The following CTNNA2 variants were observed in gnomAD, a reference collection of about 807,000 sequenced individuals.
The protein encoded by CTNNA2 is catenin alpha 2.
A neutral mutation model predicts 101.0 loss-of-function variants in CTNNA2; 42 were observed. That is an observed-to-expected ratio of 0.42 (90% confidence interval 0.32 to 0.54). The LOEUF (loss-of-function observed/expected upper bound fraction) is 0.54, where lower values mean the gene tolerates loss of function less well. Among genes scored for constraint, CTNNA2 ranks in the 20% least tolerant of loss-of-function variants. The pLI, the probability that CTNNA2 is intolerant of heterozygous loss-of-function variation, is 0.14. For synonymous variants in CTNNA2, 450 were observed against 456.4 expected, an observed-to-expected ratio of 0.99 and a Z score of 0.18; for missense variants, 871 against 1,223.1, an observed-to-expected ratio of 0.71 and a Z score of 4.29.
chr2:79,544,416 A>G (rs577320676), intron 1 of CTNNA2, among the ~76,000 whole-genome samples: 4 of 152,284 alleles, frequency 2.6e-5, no homozygotes, highest in African/African-American at 9.6e-5. Context: ...AAGTGAAGCA[A>G]TTGAAACAAA....
chr2:80,639,850 T>G (rs1479462449), intron 18 of CTNNA2, among the ~76,000 whole-genome samples: 1 of 151,954 alleles, frequency 6.6e-6, no homozygotes, highest in African/African-American at 2.4e-5. Context: ...CGCCTGTAAT[T>G]CCAGCACTTT....
At chr2:80,361,852 G>A (rs1403675838) in intron 7 of CTNNA2, among the ~76,000 whole-genome samples, 10 of 152,132 alleles carry the variant, frequency 6.6e-5, no homozygotes, top group Admixed American at 6.6e-4. Context: ...AGAATATGAT[G>A]TGCATCATAG....
chr2:80,093,476 T>A (rs1322869578), intron 7 of CTNNA2, among the ~76,000 whole-genome samples: 2 of 152,214 alleles, frequency 1.3e-5, no homozygotes, highest in Non-Finnish European at 2.9e-5. Context: ...CGTGTGTATG[T>A]GTCTTTATAG....
chr2:80,636,785 G>A (rs1348641901), intron 18 of CTNNA2, among the ~76,000 whole-genome samples: 1 of 152,068 alleles, frequency 6.6e-6, no homozygotes, highest in Non-Finnish European at 1.5e-5. Flanking sequence ...TTCTAGTAGA[G>A]CCACCTTGAC....
chr2:79,242,987 TATATATACACACACAC>T (rs1249391583), intron 2 of CTNNA2, among the ~76,000 whole-genome samples: 1 of 54,396 alleles, frequency 1.8e-5, no homozygotes, highest in Non-Finnish European at 4.7e-5. Flanking sequence ...TATATATATA[TATATATACACACACAC>T]ACACACACAC....
intron 4 of CTNNA2, among the ~76,000 whole-genome samples, chr2:79,494,979 T>A (rs1352449317): frequency 6.6e-6 from 1 of 152,002 alleles, no homozygotes; most frequent in Non-Finnish European, 1.5e-5. Context: ...TGCAGGCGCC[T>A]GTAGTCCCAG....
chr2:79,848,894 T>C (rs913132699), intron 3 of CTNNA2, among the ~76,000 whole-genome samples: 1 of 152,068 alleles, frequency 6.6e-6, no homozygotes, highest in African/African-American at 2.4e-5. Context: ...TGGTGTCACA[T>C]TGGGATTTAT....
At chr2:79,384,221 A>G (rs1678071740) in intron 4 of CTNNA2, among the ~76,000 whole-genome samples, 1 of 152,158 alleles carries the variant, frequency 6.6e-6, no homozygotes, top group African/African-American at 2.4e-5. Context: ...GCCTTTCATC[A>G]TTTCCAGCTT....
At chr2:79,669,448 C>G (rs1253521456) in intron 2 of CTNNA2, among the ~76,000 whole-genome samples, 1 of 152,140 alleles carries the variant, frequency 6.6e-6, no homozygotes, top group Non-Finnish European at 1.5e-5. Context: ...TGCCCGAGTT[C>G]TTGTCCTGCA....
intron 7 of CTNNA2, among the ~76,000 whole-genome samples, chr2:80,219,894 T>C (rs1287723927): frequency 6.6e-6 from 1 of 152,210 alleles, no homozygotes; most frequent in Non-Finnish European, 1.5e-5. Context: ...TTAATTACTC[T>C]GCATTTTATA....
At chr2:79,752,061 G>T (rs1456437653) in intron 3 of CTNNA2, among the ~76,000 whole-genome samples, 1 of 152,114 alleles carries the variant, frequency 6.6e-6, no homozygotes, top group African/African-American at 2.4e-5. Context: ...CAGGGGCAGG[G>T]GAGAGTGTAC....
intron 7 of CTNNA2, among the ~76,000 whole-genome samples, chr2:80,391,455 A>C (rs533942534): frequency 2.0e-5 from 3 of 152,328 alleles, no homozygotes; most frequent in South Asian, 2.1e-4. Flanking sequence ...GTTGCAGCCA[A>C]GTTTTCAACT....
intron 3 of CTNNA2, among the ~76,000 whole-genome samples, chr2:79,317,111 A>G (rs1291868947): frequency 6.6e-6 from 1 of 151,930 alleles, no homozygotes; most frequent in Non-Finnish European, 1.5e-5. Flanking sequence ...TGGTGGTTTT[A>G]TCAATAATGG....
At chr2:80,338,270 T>G (rs1030333597) in intron 7 of CTNNA2, among the ~76,000 whole-genome samples, 1 of 151,690 alleles carries the variant, frequency 6.6e-6, no homozygotes, top group Non-Finnish European at 1.5e-5. Context: ...ATTACTGGCA[T>G]GAGCCTCTGC....
chr2:80,345,158 T>C (rs962345628), intron 7 of CTNNA2, among the ~76,000 whole-genome samples: 10 of 152,186 alleles, frequency 6.6e-5, no homozygotes, highest in African/African-American at 2.4e-4. Context: ...AACCCTCCAG[T>C]GGTTTGCCAA....
At chr2:80,558,308 GA>G (rs1351300853) in intron 12 of CTNNA2, among the ~76,000 whole-genome samples, 1 of 152,090 alleles carries the variant, frequency 6.6e-6, no homozygotes, top group African/African-American at 2.4e-5. Flanking sequence ...AGAAATGAAA[GA>G]AAAAAACTTC....
intron 1 of CTNNA2, among the ~76,000 whole-genome samples, chr2:79,637,538 T>C (rs1274030587): frequency 2.0e-5 from 3 of 152,162 alleles, no homozygotes; most frequent in Non-Finnish European, 4.4e-5. Context: ...CCATATTGGA[T>C]TAGATCCATT....
intron 1 of CTNNA2, among the ~76,000 whole-genome samples, chr2:79,540,553 G>A (rs916084854): frequency 2.6e-5 from 4 of 152,024 alleles, no homozygotes; most frequent in South Asian, 2.1e-4. Flanking sequence ...TCCTGTAATC[G>A]TTTACATTAC....
At chr2:80,495,068 C>A (rs892523680) in intron 9 of CTNNA2, among the ~76,000 whole-genome samples, 56 of 152,082 alleles carry the variant, frequency 3.7e-4, no homozygotes, top group Non-Finnish European at 3.7e-4. Context: ...CCAGAAGTAG[C>A]CAAATGATGA....
Sources: gnomAD v4.1 joint callset for allele counts (sites outside exome capture counted in the v4.1 genomes callset) on GRCh38, gnomAD v4.1.1 for gene constraint, MANE v1.5 for transcripts, NCBI Gene and HGNC (gene_info 2026-07-23, HGNC 2026-07-21) for gene names.